GPR158: variants seen among roughly 807,000 people sequenced by gnomAD.
GPR158 encodes the protein metabotropic glycine receptor.
A neutral mutation model predicts 78.2 loss-of-function variants in GPR158; 30 were observed. The ratio of observed to expected loss-of-function variants is 0.38; its 90% confidence interval spans 0.29 to 0.52. GPR158 has a LOEUF of 0.52. Among genes scored for constraint, GPR158 ranks in the 20% least tolerant of loss-of-function variants. The pLI, the probability that GPR158 is intolerant of heterozygous loss-of-function variation, is 0.83. For missense variants in GPR158, 1,463 were observed against 1,523.5 expected, an observed-to-expected ratio of 0.96 and a Z score of 0.66; for synonymous variants, 581 against 591.1, an observed-to-expected ratio of 0.98 and a Z score of 0.25.
At chr10:25,510,772 C>G (rs1836074583) in intron 5 of GPR158, among the ~76,000 whole-genome samples, 1 of 152,150 alleles carries the variant, frequency 6.6e-6, no homozygotes, top group South Asian at 2.1e-4. Flanking sequence ...AGCTGAGCTC[C>G]CACTTATGTG....
chr10:25,274,324 A>C (rs1854155848), intron 2 of GPR158, among the ~76,000 whole-genome samples: 1 of 152,228 alleles, frequency 6.6e-6, no homozygotes, highest in Non-Finnish European at 1.5e-5. Flanking sequence ...ACACATGAAT[A>C]ATAAAATAGG....
At chr10:25,223,224 G>A (rs1296912469) in intron 2 of GPR158, among the ~76,000 whole-genome samples, 1 of 152,148 alleles carries the variant, frequency 6.6e-6, no homozygotes, top group East Asian at 1.9e-4. Context: ...AAATATTGTA[G>A]AAAGAGGCTG....
At chr10:25,390,656 A>G (rs183743790) in intron 2 of GPR158, among the ~76,000 whole-genome samples, 66 of 152,360 alleles carry the variant, frequency 4.3e-4, no homozygotes, top group South Asian at 4.1e-4. Flanking sequence ...ATGATTTATA[A>G]TTGGAACTTA....
intron 5 of GPR158, among the ~76,000 whole-genome samples, chr10:25,509,778 G>A (rs1188462079): frequency 6.6e-6 from 1 of 152,106 alleles, no homozygotes; most frequent in Non-Finnish European, 1.5e-5. Context: ...GTGCAGTGGT[G>A]CGATCTCCGC....
intron 1 of GPR158, among the ~76,000 whole-genome samples, chr10:25,211,033 G>C (rs1272452873): frequency 6.6e-6 from 1 of 152,030 alleles, no homozygotes; most frequent in Non-Finnish European, 1.5e-5. Context: ...TCGGGAGACT[G>C]AGGCAGGAGA....
intron 2 of GPR158, among the ~76,000 whole-genome samples, chr10:25,309,564 A>AT (rs1564417989): frequency 1.3e-5 from 2 of 151,724 alleles, no homozygotes; most frequent in African/African-American, 4.8e-5. Context: ...CAGTTTTTCT[A>AT]TTTTTTCTAT....
chr10:25,434,001 TA>T (rs1383555465), intron 4 of GPR158, among the ~76,000 whole-genome samples: 1 of 151,512 alleles, frequency 6.6e-6, no homozygotes, highest in South Asian at 2.1e-4. Flanking sequence ...CTACTAAAAA[TA>T]AAAAAAATTA....
At chr10:25,371,741 A>G (rs1588831135) in intron 2 of GPR158, among the ~76,000 whole-genome samples, 1 of 134,864 alleles carries the variant, frequency 7.4e-6, no homozygotes, top group Non-Finnish European at 1.6e-5. Context: ...TAGACCTAAA[A>G]CCATAAAAAC....
chr10:25,189,208 T>C (rs971237163), intron 1 of GPR158, among the ~76,000 whole-genome samples: 6 of 152,142 alleles, frequency 3.9e-5, no homozygotes, highest in African/African-American at 4.8e-5. Context: ...AGTTCAACCA[T>C]TGTGGAAGAT....
At chr10:25,566,414 T>TA (rs1305936364) in intron 6 of GPR158, among the ~76,000 whole-genome samples, 1 of 152,172 alleles carries the variant, frequency 6.6e-6, no homozygotes, top group Non-Finnish European at 1.5e-5. Context: ...TCTGAGCCCC[T>TA]ACTCAACCCA....
chr10:25,338,475 GTATAA>G (rs1564426224), intron 2 of GPR158, among the ~76,000 whole-genome samples: 2 of 126,160 alleles, frequency 1.6e-5, no homozygotes, highest in South Asian at 4.6e-4. Flanking sequence ...TATATTATAC[GTATAA>G]TATACGTATA....
At chr10:25,411,933 C>CAAAAAAAAAAA (rs1164005677) in intron 3 of GPR158, among the ~76,000 whole-genome samples, 1 of 47,486 alleles carries the variant, frequency 2.1e-5, no homozygotes, top group Non-Finnish European at 3.7e-5. Context: ...GACTCTATCA[C>CAAAAAAAAAAA]AAAAAAAAAA....
At chr10:25,531,072 G>T (rs1836416659) in intron 5 of GPR158, among the ~76,000 whole-genome samples, 1 of 152,146 alleles carries the variant, frequency 6.6e-6, no homozygotes, top group African/African-American at 2.4e-5. Flanking sequence ...AATGCTAATG[G>T]TAGGTATTTT....
At chr10:25,405,347 CT>C (rs1191264753) in intron 3 of GPR158, among the ~76,000 whole-genome samples, 5 of 151,460 alleles carry the variant, frequency 3.3e-5, no homozygotes, top group South Asian at 2.1e-4. Context: ...GCAAAAGATA[CT>C]TTTTTTTAAC....
chr10:25,531,698 A>G (rs758962543), intron 5 of GPR158, among the ~76,000 whole-genome samples: 6 of 152,318 alleles, frequency 3.9e-5, no homozygotes, highest in Middle Eastern at 6.8e-3. Flanking sequence ...CTCGCTTTAG[A>G]CAGGAATAAA....
chr10:25,221,182 C>T, intron 2 of GPR158, 25 bp downstream of exon 2: 1 of 1,148,890 alleles, frequency 8.7e-7, no homozygotes, highest in Non-Finnish European at 1.3e-6. Flanking sequence ...ATAAAATCCT[C>T]TTTAAGCTCA....
At chr10:25,429,834 T>C (rs2130573426) in intron 4 of GPR158, among the ~76,000 whole-genome samples, 1 of 142,666 alleles carries the variant, frequency 7.0e-6, no homozygotes, top group Non-Finnish European at 1.5e-5. Flanking sequence ...AAACTCTCAA[T>C]AAATTAGGTA....
intron 6 of GPR158, among the ~76,000 whole-genome samples, chr10:25,571,427 T>G (rs181587481): frequency 6.6e-6 from 1 of 152,214 alleles, no homozygotes; most frequent in Admixed American, 6.5e-5. Flanking sequence ...CTATTTCAGG[T>G]GTATTGGCTT....
At chr10:25,437,488 A>T (rs1191640107) in intron 4 of GPR158, among the ~76,000 whole-genome samples, 1 of 152,090 alleles carries the variant, frequency 6.6e-6, no homozygotes, top group Non-Finnish European at 1.5e-5. Context: ...GACCTCCCAA[A>T]TTGCTGGGAT....
Sources: gnomAD v4.1 joint callset for allele counts (sites outside exome capture counted in the v4.1 genomes callset) on GRCh38, gnomAD v4.1.1 for gene constraint, MANE v1.5 for transcripts, NCBI Gene and HGNC (gene_info 2026-07-23, HGNC 2026-07-21) for gene names.